Variants in STK33 observed in about 807,000 individuals in gnomAD.
STK33 encodes serine/threonine-protein kinase 33.
A neutral mutation model predicts 58.0 loss-of-function variants in STK33; 52 were observed. The ratio of observed to expected loss-of-function variants is 0.90; its 90% CI spans 0.72 to 1.13. STK33 has a LOEUF of 1.13. Ranked by LOEUF, STK33 falls within the 50% of genes most tolerant of loss-of-function variation. The probability of loss-of-function intolerance (pLI) is 0.00; values close to 1 mark genes in which losing one functional copy is unlikely to be tolerated. For synonymous variants in STK33, 215 were observed against 200.1 expected, an observed-to-expected ratio of 1.07 and a Z score of -0.63; for missense variants, 630 against 604.2, an observed-to-expected ratio of 1.04 and a Z score of -0.45.
At chr11:8,440,884 A>G (rs1218556937) in intron 11 of STK33, 131 bp from the exon 12 acceptor site, 3 of 854,180 alleles carry the variant, frequency 3.5e-6, no homozygotes, top group Non-Finnish European at 3.6e-6. Context: ...AACCAACAGC[A>G]GATCTTAAAT....
chr11:8,470,054 C>T (rs1221759105), intron 6 of STK33, among the ~76,000 whole-genome samples: 1 of 152,220 alleles, frequency 6.6e-6, no homozygotes, highest in Non-Finnish European at 1.5e-5. Flanking sequence ...AAGTCACCAG[C>T]TTCATTAGTC....
intron 12 of STK33, among the ~76,000 whole-genome samples, chr11:8,439,869 T>TATATATATATATATATATATA (rs1554930119): frequency 5.6e-5 from 6 of 107,250 alleles, no homozygotes; most frequent in Admixed American, 1.0e-4. Flanking sequence ...TATATTATAA[T>TATATATATATATATATATATA]TATATATATA....
At chr11:8,492,221 A>G (rs954403842) in intron 1 of STK33, among the ~76,000 whole-genome samples, 3 of 152,156 alleles carry the variant, frequency 2.0e-5, no homozygotes, top group African/African-American at 7.2e-5. Flanking sequence ...AGAGACACAC[A>G]TAGGCTCAAA....
the STK33 span, among the ~76,000 whole-genome samples, chr11:8,360,351 T>C: frequency 3.3e-5 from 5 of 152,152 alleles, no homozygotes; most frequent in Admixed American, 3.3e-4. Context: ...CACTTCCTCA[T>C]CTCTAACCAT....
intron 15 of STK33, among the ~76,000 whole-genome samples, chr11:8,400,282 G>T (rs571538198): frequency 6.6e-6 from 1 of 152,070 alleles, no homozygotes; most frequent in South Asian, 2.1e-4. Flanking sequence ...TGATCAAGCC[G>T]GCTTCATCCC....
In STK33 at chr11:8,474,826, A is replaced by T. The variant is rs933526990; in HGVS notation, c.80T>A (p.Val27Glu). Residue 27 changes from valine to glutamate, a missense_variant, in exon 5 of 16, where the codon GTA (valine) becomes GAA (glutamate). By Grantham distance (121) the Val-to-Glu change is moderately radical (BLOSUM62 -2). Transcript: ENST00000687296. ...AGGAACCCTTGTTTTGCTGGAACATACACAAAGTACATCTTTCTGAGAAGC... is the reference window on the plus strand; with the variant it reads ...AGGAACCCTTGTTTTGCTGGAACATTCACAAAGTACATCTTTCTGAGAAGC... ...SSASQKDVLCVCSSKTRVPPV... is the reference protein window; with the variant it reads ...SSASQKDVLCECSSKTRVPPV... 5.6e-6 allele frequency: 9 copies of T among 1,612,716 alleles called. No individual in the cohort carries two copies. Among genetic ancestry groups the T allele is most frequent in the African/African-American group, 2.7e-5 (2 of 74,876 alleles).
chr11:8,337,022 A>G, the STK33 span, among the ~76,000 whole-genome samples: 3 of 152,228 alleles, frequency 2.0e-5, no homozygotes, highest in Non-Finnish European at 4.4e-5. Context: ...ATCGTGATCA[A>G]TGGGCCGAGG....
At chr11:8,359,958 C>T in the STK33 span, among the ~76,000 whole-genome samples, 8 of 152,322 alleles carry the variant, frequency 5.3e-5, no homozygotes, top group Non-Finnish European at 1.0e-4. Context: ...CAGACACACC[C>T]AGGGTGGTAG....
At chr11:8,394,728 A>G (rs1206467120) in intron 15 of STK33, among the ~76,000 whole-genome samples, 1 of 152,174 alleles carries the variant, frequency 6.6e-6, no homozygotes, top group African/African-American at 2.4e-5. Context: ...CAATATCTTG[A>G]GATCATTATT....
At chr11:8,590,452 G>A (rs1210075683) in intron 1 of STK33, among the ~76,000 whole-genome samples, 1 of 151,816 alleles carries the variant, frequency 6.6e-6, no homozygotes, top group Non-Finnish European at 1.5e-5. Context: ...ATTCCTAAGT[G>A]AACTTATCTT....
intron 15 of STK33, among the ~76,000 whole-genome samples, chr11:8,406,357 T>C (rs1939206484): frequency 6.6e-6 from 1 of 152,204 alleles, no homozygotes; most frequent in Admixed American, 6.5e-5. Context: ...CCAGGTTTTA[T>C]GTATCTCCAA....
the STK33 span, among the ~76,000 whole-genome samples, chr11:8,384,199 ATC>A: frequency 1.4e-4 from 21 of 151,988 alleles, no homozygotes; most frequent in Non-Finnish European, 2.2e-4. Flanking sequence ...TTTAGTATTA[ATC>A]TGTTTTATTA....
intron 15 of STK33, among the ~76,000 whole-genome samples, chr11:8,405,932 G>C (rs1403988501): frequency 6.6e-6 from 1 of 152,058 alleles, no homozygotes; most frequent in African/African-American, 2.4e-5. Flanking sequence ...CACGAGGTCA[G>C]GAGATCGAGA....
At chr11:8,364,132 C>T in the STK33 span, among the ~76,000 whole-genome samples, 4 of 152,214 alleles carry the variant, frequency 2.6e-5, no homozygotes, top group African/African-American at 9.7e-5. Flanking sequence ...TCCATTTCAT[C>T]ACAACCTCCT....
chr11:8,549,265 G>A (rs1443994308), intron 1 of STK33, among the ~76,000 whole-genome samples: 1 of 152,116 alleles, frequency 6.6e-6, no homozygotes, highest in East Asian at 1.9e-4. Context: ...TTAATCAGAT[G>A]TGTCATATTT....
At position 8,537,733 on chromosome 11, in the gene STK33, C is replaced by A. The variant is rs371092741; in HGVS notation, c.-466+56350G>T. Among the ~76,000 whole-genome samples, 370 of 150,596 alleles carry A rather than the reference C, an allele frequency of 2.5e-3. 6 individuals are homozygous for A. The highest frequency in any genetic ancestry group is 8.7e-3 in the African/African-American group (354 of 40,914). ...GCCTGGCCAATATGGGAGGCTGAAC[C>A]AGGGAGGTGGAGGTTGCAGTGGGCC... On this transcript the variant is annotated intron_variant, in intron 1 of 15. Transcript: ENST00000687296.
intron 1 of STK33, among the ~76,000 whole-genome samples, chr11:8,560,103 C>T (rs914463779): frequency 1.3e-5 from 2 of 151,982 alleles, no homozygotes; most frequent in Admixed American, 6.6e-5. Context: ...TATGCAATAA[C>T]CTTTTACATA....
At chr11:8,562,465 C>G (rs185177888) in intron 1 of STK33, among the ~76,000 whole-genome samples, 1 of 151,942 alleles carries the variant, frequency 6.6e-6, no homozygotes, top group Non-Finnish European at 1.5e-5. Flanking sequence ...ATACTCATGG[C>G]CCCCCACTTT....
chr11:8,510,389 T>A (rs1952216312), intron 1 of STK33, among the ~76,000 whole-genome samples: 1 of 152,252 alleles, frequency 6.6e-6, no homozygotes, highest in Admixed American at 6.5e-5. Context: ...TCCTTGTAGA[T>A]TCTGGATATT....
Sources: gnomAD v4.1 joint callset for allele counts (sites outside exome capture counted in the v4.1 genomes callset) on GRCh38, gnomAD v4.1.1 for gene constraint, MANE v1.5 for transcripts, NCBI Gene and HGNC (gene_info 2026-07-23, HGNC 2026-07-21) for gene names.